Variants in PPP2R1B observed in about 807,000 individuals in gnomAD.
The protein encoded by PPP2R1B is protein phosphatase 2 scaffold subunit Abeta, also known as serine/threonine-protein phosphatase 2A 65 kDa regulatory subunit A beta isoform.
PPP2R1B carries 58 observed loss-of-function variants against 72.7 expected under a neutral mutation model. That is an observed-to-expected ratio of 0.80 (90% confidence interval 0.65 to 0.99). The LOEUF (loss-of-function observed/expected upper bound fraction) is 0.99. PPP2R1B is among the 50% of genes least tolerant of loss of function. PPP2R1B has a pLI of 0.00. For missense variants in PPP2R1B, 695 were observed against 733.6 expected, an observed-to-expected ratio of 0.95 and a Z score of 0.61; for synonymous variants, 256 against 264.6, an observed-to-expected ratio of 0.97 and a Z score of 0.32.
At chr11:111,728,292 AT>A (rs11342742) in intron 15 of PPP2R1B, 135,134 of 142,500 alleles carry the variant, frequency 0.95, 64,297 homozygotes, top group East Asian at 1. Context: ...AATTTATTTA[AT>A]TTTTTTTTTT....
intron 7 of PPP2R1B, 142 bp from the exon 8 acceptor site, chr11:111,754,711 A>C (rs1945036589): frequency 7.1e-7 from 1 of 1,405,770 alleles, no homozygotes; most frequent in Admixed American, 3.1e-5. Context: ...GTTCTAAATA[A>C]ACTTTTTCGT....
At chr11:111,701,057 T>G in the PPP2R1B span, 1 of 1,585,640 alleles carries the variant, frequency 6.3e-7, no homozygotes, top group East Asian at 2.3e-5. The surrounding 1 kb of genome is among the most constrained non-coding windows in gnomAD (Gnocchi z 4.2). Context: ...ATACTGATAA[T>G]ACTTGGTGTT....
chr11:111,705,342 A>T, the PPP2R1B span, among the ~76,000 whole-genome samples: 1 of 152,340 alleles, frequency 6.6e-6, no homozygotes, highest in Non-Finnish European at 1.5e-5. The surrounding 1 kb of genome is among the most constrained non-coding windows in gnomAD (Gnocchi z 4.3). Context: ...ACAGTTTTTT[A>T]AAATTGTTTT....
intron 10 of PPP2R1B, among the ~76,000 whole-genome samples, chr11:111,751,515 A>C (rs1236491408): frequency 6.6e-6 from 1 of 152,260 alleles, no homozygotes; most frequent in Non-Finnish European, 1.5e-5. Flanking sequence ...TGATGCTCAA[A>C]GGAAATGCTC....
At chr11:111,707,008 T>C in the PPP2R1B span, among the ~76,000 whole-genome samples, 1 of 149,032 alleles carries the variant, frequency 6.7e-6, no homozygotes, top group Non-Finnish European at 1.5e-5. Context: ...AGTAAAATAA[T>C]GTGTCCATAT....
chr11:111,735,820 G>A (rs1044810073), downstream of PPP2R1B, among the ~76,000 whole-genome samples: 1 of 152,228 alleles, frequency 6.6e-6, no homozygotes, highest in African/African-American at 2.4e-5. Context: ...ACCCTAGACA[G>A]TGAGGGGTTA....
chr11:111,725,580 T>C (rs1389394909), downstream of PPP2R1B: 6 of 152,648 alleles, frequency 3.9e-5, no homozygotes, highest in Non-Finnish European at 7.3e-5. Context: ...TTTCTGCCCT[T>C]TAGAATGGCT....
chr11:111,735,630 A>T (rs1167298702), downstream of PPP2R1B, among the ~76,000 whole-genome samples: 1 of 152,242 alleles, frequency 6.6e-6, no homozygotes, highest in Non-Finnish European at 1.5e-5. Flanking sequence ...GGCGCTCTTC[A>T]CCAAGGGAGA....
chr11:111,720,994 C>T, the PPP2R1B span: 1 of 1,614,188 alleles, frequency 6.2e-7, no homozygotes, highest in Non-Finnish European at 8.5e-7. Context: ...ACAAATAGGA[C>T]CGGAGGCAGA....
the PPP2R1B span, among the ~76,000 whole-genome samples, chr11:111,694,347 AG>A: frequency 6.6e-6 from 1 of 152,172 alleles, no homozygotes; most frequent in Non-Finnish European, 1.5e-5. Flanking sequence ...TTTTGCTGAG[AG>A]AGACCTTAAA....
the PPP2R1B span, among the ~76,000 whole-genome samples, chr11:111,704,451 G>A: frequency 6.6e-6 from 1 of 152,154 alleles, no homozygotes; most frequent in Non-Finnish European, 1.5e-5. Context: ...AAAAACAAGA[G>A]GAAAAAATTA....
intron 3 of PPP2R1B, among the ~76,000 whole-genome samples, chr11:111,763,779 A>C (rs1565483383): frequency 6.6e-6 from 1 of 151,962 alleles, no homozygotes. Flanking sequence ...GGGTATGTTA[A>C]GTTTGAAATA....
rs199802856 is a variant in PPP2R1B at position 111,761,003 on chromosome 11, T to C, written c.355A>G (p.Lys119Glu). Reference sequence around the variant, plus strand: ...ATCTGTCTCAGGGACTCCACAGCCTTGTCACGAACAACAGTCTCTTCCACA... The same window carrying C: ...ATCTGTCTCAGGGACTCCACAGCCTCGTCACGAACAACAGTCTCTTCCACA... ...ATVEETVVRD[K>E]AVESLRQISQ... Residue 119 changes from lysine to glutamate, a missense_variant, in exon 4 of 15, where the codon AAG (lysine) becomes GAG (glutamate). By Grantham distance (56) the Lys-to-Glu change is moderately conservative. Coordinates refer to ENST00000527614, the MANE Select transcript of PPP2R1B (RefSeq NM_002716.5). 24 of 1,614,210 alleles carry C rather than the reference T, an allele frequency of 1.5e-5. No homozygotes were observed. The Admixed American group carries it at 4.0e-4, about 27-fold the overall frequency.
chr11:111,764,843 C>T lies in PPP2R1B; in HGVS notation c.268G>A (p.Gly90Ser). ...ALAEQLGNFT[G>S]LVGGPDFAHC... is the part of the protein sequence containing the mutation. ...GCAAAGTCAGGACCTCCCACTAGGCCAGTGAAATTTCCCAGCTGCTCAGCA... is the reference window on the plus strand; with the variant it reads ...GCAAAGTCAGGACCTCCCACTAGGCTAGTGAAATTTCCCAGCTGCTCAGCA... Residue 90 changes from glycine (G) to serine (S), a missense_variant, in exon 3 of 15, where the codon GGC (glycine) becomes AGC (serine). By Grantham distance (56) the Gly-to-Ser change is moderately conservative. Transcript: ENST00000527614. 6.2e-7 allele frequency: 1 copy of T among 1,614,114 alleles called. No homozygotes were observed. The highest frequency in any genetic ancestry group is 8.5e-7 in the Non-Finnish European group (1 of 1,180,020).
At chr11:111,703,281 A>C in the PPP2R1B span, 1 of 1,614,184 alleles carries the variant, frequency 6.2e-7, no homozygotes, top group Non-Finnish European at 8.5e-7. Flanking sequence ...AAGGAGCATA[A>C]ATGGATGCTC....
the PPP2R1B span, among the ~76,000 whole-genome samples, chr11:111,701,874 G>C: frequency 6.6e-6 from 1 of 152,080 alleles, no homozygotes; most frequent in Non-Finnish European, 1.5e-5. This position sits in a 1 kb window ranked among gnomAD's most constrained non-coding sequence, Gnocchi z 4.2. Context: ...TGTAGATACA[G>C]ATTCACAACC....
downstream of PPP2R1B, among the ~76,000 whole-genome samples, chr11:111,735,493 C>T (rs1217508150): frequency 2.6e-5 from 4 of 152,204 alleles, no homozygotes; most frequent in Non-Finnish European, 5.9e-5. Flanking sequence ...AGGAGTGAGC[C>T]GCTGCCGGAC....
At chr11:111,755,188 C>T (rs1276931022) in intron 6 of PPP2R1B, 94 bp from the exon 7 acceptor site, 7 of 1,530,158 alleles carry the variant, frequency 4.6e-6, no homozygotes, top group African/African-American at 1.4e-5. Flanking sequence ...CATATTTTTG[C>T]CACAGCACTT....
At chr11:111,742,306 A>T in intron 13 of PPP2R1B, 162 bp from the exon 14 acceptor site, 1 of 729,480 alleles carries the variant, frequency 1.4e-6, no homozygotes, top group Non-Finnish European at 2.1e-6. Flanking sequence ...AATTCTCAGC[A>T]AAATCAGCTT....
Sources: gnomAD v4.1 joint callset for allele counts (sites outside exome capture counted in the v4.1 genomes callset) on GRCh38, gnomAD v4.1.1 for gene constraint, Gnocchi (gnomAD v3.1) non-coding constraint, MANE v1.5 for transcripts, NCBI Gene and HGNC (gene_info 2026-07-23, HGNC 2026-07-21) for gene names.